ABCB8: variants seen among roughly 807,000 people sequenced by gnomAD.
ABCB8 encodes the protein mitochondrial potassium channel ATP-binding subunit.
A neutral mutation model predicts 73.0 loss-of-function variants in ABCB8; 52 were observed. The ratio of observed to expected loss-of-function variants is 0.71; its 90% CI spans 0.57 to 0.90. The LOEUF (loss-of-function observed/expected upper bound fraction) is 0.90. Ranked by LOEUF, ABCB8 falls within the 40% of genes least tolerant of loss-of-function variation. The pLI is 0.00. For missense variants in ABCB8, 909 were observed against 974.6 expected, an observed-to-expected ratio of 0.93 and a Z score of 0.90; for synonymous variants, 428 against 423.5, an observed-to-expected ratio of 1.01 and a Z score of -0.13.
chr7:151,037,430 A>ACCAC (rs1406859798), intron 9 of ABCB8: 3 of 669,566 alleles, frequency 4.5e-6, no homozygotes, highest in Non-Finnish European at 8.2e-6. Flanking sequence ...TTGGTCCAAA[A>ACCAC]CCACCCGCTC....
Position 151,040,811 on chromosome 7 carries a change from C to G in ABCB8, c.1389-17C>G. 6.3e-7 allele frequency: 1 copy of G among 1,585,448 alleles called. No individual in the cohort carries two copies. The highest frequency in any genetic ancestry group is 8.6e-7 in the Non-Finnish European group (1 of 1,165,984). On this transcript the variant is annotated splice_polypyrimidine_tract_variant and intron_variant, in intron 11 of 15. Coordinates refer to ENST00000358849, the MANE Select transcript of ABCB8 (RefSeq NM_007188.5). Reference sequence around the variant, plus strand: ...CTGGGAGCCTGGTCTGACTGGGGGTCTCTCGGCTCCTCCCAGCTACCCCTG... The same window carrying G: ...CTGGGAGCCTGGTCTGACTGGGGGTGTCTCGGCTCCTCCCAGCTACCCCTG...
At chr7:151,045,188 C>T (rs1796581226) in intron 15 of ABCB8, 21 bp from the exon 16 acceptor site, 4 of 1,528,760 alleles carry the variant, frequency 2.6e-6, no homozygotes, top group Non-Finnish European at 3.5e-6. Context: ...CAACCATCCG[C>T]CCTTCCCTCC....
At chr7:151,039,132 C>T (rs1481223126) in intron 9 of ABCB8, 1 of 152,250 alleles carries the variant, frequency 6.6e-6, no homozygotes, top group Non-Finnish European at 1.5e-5. Flanking sequence ...CCCCTGAGAG[C>T]AGGGTCATCA....
In ABCB8 at chr7:151,034,838, C is replaced by A; in HGVS notation, c.765+9C>A. 2 of 1,604,932 alleles carry A rather than the reference C, an allele frequency of 1.2e-6. No individual in the cohort carries two copies. Among genetic ancestry groups the A allele is most frequent in the Non-Finnish European group, 1.7e-6 (2 of 1,173,148 alleles). On this transcript the variant is annotated intron_variant, in intron 5 of 15. Coordinates refer to ENST00000358849, the MANE Select transcript of ABCB8 (RefSeq NM_007188.5). ...AGCTTGTCATCTCCCAGGTCAGTGGCCCAGTGGCCCCCACCACGTCCACAC... is the reference window on the plus strand; with the variant it reads ...AGCTTGTCATCTCCCAGGTCAGTGGACCAGTGGCCCCCACCACGTCCACAC...
intron 9 of ABCB8, 160 bp from the exon 10 acceptor site, chr7:151,040,108 C>A: frequency 1.3e-6 from 1 of 757,922 alleles, no homozygotes; most frequent in Non-Finnish European, 2.1e-6. Context: ...TCTGGTGTTG[C>A]TACGTCCCAG....
chr7:151,041,879 C>T (rs2117236324), intron 13 of ABCB8, 82 bp from the exon 14 acceptor site: 1 of 1,496,626 alleles, frequency 6.7e-7, no homozygotes, highest in Non-Finnish European at 9.2e-7. Context: ...TAGACTGTCC[C>T]ATTGTGTATG....
At chr7:151,043,909 C>A in intron 14 of ABCB8, 62 bp from the exon 15 acceptor site, 1 of 1,589,218 alleles carries the variant, frequency 6.3e-7, no homozygotes, top group East Asian at 2.3e-5. Context: ...GACCCTGTGC[C>A]CCTTTGTGGG....
intron 14 of ABCB8, among the ~76,000 whole-genome samples, chr7:151,042,331 T>A (rs1338557962): frequency 6.6e-6 from 1 of 152,124 alleles, no homozygotes; most frequent in East Asian, 1.9e-4. Flanking sequence ...CCAGGCAGGC[T>A]GCAGAGACAG....
At position 151,028,486 on chromosome 7, in the gene ABCB8, T is replaced by C. The variant is rs113531350; in HGVS notation, c.-30T>C. On this transcript the variant is annotated 5_prime_UTR_variant, in exon 1 of 16. Coordinates refer to ENST00000358849, the MANE Select transcript of ABCB8 (RefSeq NM_007188.5). ...AGTGGGATGAGGGTGAAACTGCTAT[T>C]GCCGGCGGCTCCTGTTTTACCGCGT... is the stretch of plus-strand genomic sequence containing the variant. The C allele has an allele frequency of 4.7e-5, 75 of 1,600,156 alleles. 2 individuals are homozygous for C. The East Asian group carries it at 1.1e-3, about 24-fold the overall frequency.
In ABCB8 at chr7:151,045,297, C is replaced by T. The variant is rs141053127; in HGVS notation, c.2105C>T (p.Ala702Val). The T allele has an allele frequency of 3.4e-5, 54 of 1,601,176 alleles. No homozygotes were observed. In the African/African-American group the frequency reaches 6.1e-4, roughly 18 times the overall value. The change falls in exon 16 of 16, where the codon GCC becomes GTC. Residue 702 changes from alanine to valine, a missense_variant. By Grantham distance (64) the Ala-to-Val change is moderately conservative. Coordinates refer to ENST00000358849, the MANE Select transcript of ABCB8 (RefSeq NM_007188.5). Reference sequence around the variant, plus strand: ...GCCCTGGATGCCCCGAGGACAGCGGCCCCACCGCCCAAAAAGCCAGAAGGC... The same window carrying T: ...GCCCTGGATGCCCCGAGGACAGCGGTCCCACCGCCCAAAAAGCCAGAAGGC... ...RQALDAPRTA[A>V]PPPKKPEGPR... is the part of the protein sequence containing the mutation.
Position 151,040,907 on chromosome 7 carries a change from GGCCA to G in ABCB8, c.1470_1473del (p.Gln491LeufsTer23), listed in dbSNP as rs1334206852. 6.2e-7 allele frequency: 1 copy of G among 1,605,238 alleles called. No individual in the cohort carries two copies. Among genetic ancestry groups the G allele is most frequent in the East Asian group, 2.2e-5 (1 of 44,514 alleles). On this transcript the variant is annotated frameshift_variant, in exon 12 of 16. Transcript: ENST00000358849. LOFTEE classifies it high-confidence loss of function. ...CCCTGGCAAGATCGTGGCCCTCGTG[GGCCA>G]GTCTGGCGGAGGTAAGGGGAGCCCA... is the stretch of plus-strand genomic sequence containing the variant.
intron 13 of ABCB8, 115 bp downstream of exon 13, chr7:151,041,347 G>C: frequency 7.4e-7 from 1 of 1,356,574 alleles, no homozygotes; most frequent in South Asian, 1.5e-5. Context: ...TGCTGCTCTC[G>C]GGAGACCCTG....
At chr7:151,037,689 T>G in intron 9 of ABCB8, 2 of 321,326 alleles carry the variant, frequency 6.2e-6, no homozygotes, top group African/African-American at 2.4e-5. Flanking sequence ...CCCCACCCCA[T>G]TCTACTGAGG....
At chr7:151,033,130 G>T (rs1314390502) in intron 1 of ABCB8, 10 of 457,994 alleles carry the variant, frequency 2.2e-5, no homozygotes, top group African/African-American at 1.8e-4. Context: ...GCTCCAGGAG[G>T]TGGGGCTGTG....
chr7:151,037,304 G>A (rs1210825619), intron 9 of ABCB8: 1 of 702,932 alleles, frequency 1.4e-6, no homozygotes, highest in Non-Finnish European at 2.6e-6. Context: ...TCCATGCATG[G>A]AAGGACCATC....
At chr7:151,039,597 C>T in intron 9 of ABCB8, 1 of 152,346 alleles carries the variant, frequency 6.6e-6, no homozygotes, top group East Asian at 1.9e-4. Flanking sequence ...AGACAGATAA[C>T]ACTGTGGGTA....
chr7:151,044,238 G>T lies in ABCB8; in HGVS notation c.2016+17G>T, dbSNP rs777844029. 1.9e-6 allele frequency: 3 copies of T among 1,592,184 alleles called. No homozygotes were observed. In the Admixed American group the frequency reaches 5.0e-5, roughly 27 times the overall value. ...GTCTGGGAGGTTAGTTGTCCTGGGG[G>T]CGTGGATCAGTGGGTTGAGGATGGC... is the stretch of plus-strand genomic sequence containing the variant. On this transcript the variant is annotated intron_variant, in intron 15 of 15. Coordinates refer to ENST00000358849, the MANE Select transcript of ABCB8 (RefSeq NM_007188.5).
chr7:151,044,250 G>T, intron 15 of ABCB8, 29 bp downstream of exon 15: 1 of 1,588,372 alleles, frequency 6.3e-7, no homozygotes, highest in South Asian at 1.1e-5. Flanking sequence ...GTGGATCAGT[G>T]GGTTGAGGAT....
chr7:151,040,494 A>C lies in ABCB8; in HGVS notation c.1252-4A>C. 1 of 1,608,232 alleles carries C rather than the reference A, an allele frequency of 6.2e-7. No homozygotes were observed. Among genetic ancestry groups the C allele is most frequent in the Middle Eastern group, 1.7e-4 (1 of 6,010 alleles). The stretch of plus-strand genomic sequence containing the variant: ...CCCTGCGGACTTTGGATCCCCTCCC[A>C]CAGGTGGTCCGGGGGCTGAGTGCAG... On this transcript the variant is annotated splice_region_variant and splice_polypyrimidine_tract_variant and intron_variant, in intron 10 of 15. Transcript: ENST00000358849.
Sources: gnomAD v4.1 joint callset for allele counts (sites outside exome capture counted in the v4.1 genomes callset) on GRCh38, gnomAD v4.1.1 for gene constraint, MANE v1.5 for transcripts, NCBI Gene and HGNC (gene_info 2026-07-23, HGNC 2026-07-21) for gene names.